ACTR2: variants seen among roughly 807,000 people sequenced by gnomAD.
ACTR2 encodes the protein actin related protein 2.
ACTR2 carries 5 observed loss-of-function variants against 50.2 expected under a neutral mutation model. That is an observed-to-expected ratio of 0.10 (90% CI 0.05 to 0.21). ACTR2 has a LOEUF of 0.21. Ranked by LOEUF, ACTR2 falls within the 10% of genes least tolerant of loss-of-function variation. ACTR2 has a pLI of 1.00. For synonymous variants in ACTR2, 140 were observed against 162.9 expected (o/e 0.86, Z 1.07); for missense variants, 180 against 480.6 (o/e 0.37, Z 5.85).
intron 1 of ACTR2, among the ~76,000 whole-genome samples, chr2:65,237,769 C>T (rs1021490668): frequency 6.6e-6 from 1 of 152,010 alleles, no homozygotes; most frequent in Non-Finnish European, 1.5e-5. Context: ...AGGTGGACCA[C>T]TTGAGGTCAG....
intron 3 of ACTR2, among the ~76,000 whole-genome samples, chr2:65,249,352 A>G (rs1573158495): frequency 6.6e-6 from 1 of 152,306 alleles, no homozygotes; most frequent in East Asian, 1.9e-4. Flanking sequence ...TAAAGAATCC[A>G]TATGATTTCT....
chr2:65,257,710 T>C (rs769450360), intron 6 of ACTR2, among the ~76,000 whole-genome samples: 9 of 152,252 alleles, frequency 5.9e-5, no homozygotes, highest in Non-Finnish European at 1.2e-4. Context: ...GAGCTTTTTT[T>C]CTTATGTTTA....
chr2:65,261,101 T>TC, intron 6 of ACTR2, 146 bp from the exon 7 acceptor site: 1 of 759,058 alleles, frequency 1.3e-6, no homozygotes, highest in South Asian at 2.0e-5. Context: ...ATTTACCTTT[T>TC]TTTCCCCAAA....
chr2:65,240,596 C>T (rs548596954), intron 2 of ACTR2, among the ~76,000 whole-genome samples: 4 of 152,172 alleles, frequency 2.6e-5, no homozygotes, highest in South Asian at 4.2e-4. Flanking sequence ...AAAAGACGAT[C>T]GATTTTTCTC....
chr2:65,237,680 A>G lies in ACTR2; in HGVS notation c.49-2172A>G, dbSNP rs534502328. ...AGCCCGTGCAACATAGTGAGACCCC[A>G]TCTCTACAAAAAATTTTAAAACTTA... is the stretch of plus-strand genomic sequence containing the variant. On this transcript the variant is annotated intron_variant, in intron 1 of 8. Transcript: ENST00000260641. Among the ~76,000 whole-genome samples the G allele has an allele frequency of 2.1e-4, 32 of 152,214 alleles. No individual in the cohort carries two copies. In the East Asian group the frequency reaches 6.0e-3, roughly 29 times the overall value.
intron 8 of ACTR2, among the ~76,000 whole-genome samples, chr2:65,265,882 A>G (rs1406054771): frequency 6.6e-6 from 1 of 152,256 alleles, no homozygotes; most frequent in Non-Finnish European, 1.5e-5. Flanking sequence ...ACTGTTTTAG[A>G]TAATGAGATT....
intron 3 of ACTR2, among the ~76,000 whole-genome samples, chr2:65,247,394 C>T (rs987726591): frequency 6.6e-6 from 1 of 152,082 alleles, no homozygotes; most frequent in Non-Finnish European, 1.5e-5. Context: ...CGAGACCATC[C>T]TGGCTAACAC....
At chr2:65,262,684 G>A (rs1672291167) in intron 7 of ACTR2, among the ~76,000 whole-genome samples, 1 of 152,118 alleles carries the variant, frequency 6.6e-6, no homozygotes, top group Non-Finnish European at 1.5e-5. Flanking sequence ...CAAACCAGGG[G>A]TGGTGGCTTC....
chr2:65,265,735 G>A (rs968900021), intron 8 of ACTR2, among the ~76,000 whole-genome samples: 3 of 152,160 alleles, frequency 2.0e-5, no homozygotes, highest in African/African-American at 7.2e-5. Flanking sequence ...AATAGTTGAT[G>A]TTTCTTTGGC....
intron 1 of ACTR2, among the ~76,000 whole-genome samples, chr2:65,236,800 T>G (rs572423333): frequency 2.5e-4 from 38 of 152,266 alleles, no homozygotes; most frequent in African/African-American, 8.4e-4. Flanking sequence ...CAGGCTGATC[T>G]CAAACTTCTG....
rs1309012017 is a variant in ACTR2, at chr2:65,268,829, C to T, written c.*95C>T. ...TTCAACTCCAGGACATGGAAGAGGCCTCTCTCTGCCCTTTGACTGGAAAGG... is the reference window on the plus strand; with the variant it reads ...TTCAACTCCAGGACATGGAAGAGGCTTCTCTCTGCCCTTTGACTGGAAAGG... On this transcript the variant is annotated 3_prime_UTR_variant, in exon 9 of 9. Transcript: ENST00000260641. 4.6e-6 allele frequency: 6 copies of T among 1,308,198 alleles called. No individual in the cohort carries two copies. Among genetic ancestry groups the T allele is most frequent in the Non-Finnish European group, 5.3e-6 (5 of 944,648 alleles). The allele number at this position is 1,308,198 out of a possible 1,614,324, so 81.0% of individuals were successfully genotyped here. A position where few individuals can be genotyped will look rare whatever the true frequency, so the allele number is the denominator to read the frequency against.
chr2:65,252,487 TACAA>T (rs990374116), intron 4 of ACTR2, among the ~76,000 whole-genome samples: 2 of 149,980 alleles, frequency 1.3e-5, no homozygotes, highest in African/African-American at 4.9e-5. Context: ...AAAAAAAAAA[TACAA>T]AAAATTAGCT....
intron 1 of ACTR2, among the ~76,000 whole-genome samples, chr2:65,237,536 C>T (rs1484066443): frequency 6.6e-6 from 1 of 152,000 alleles, no homozygotes; most frequent in Non-Finnish European, 1.5e-5. Context: ...GCCACTGGGC[C>T]CAGCGTAAAC....
In ACTR2 at chr2:65,264,911, A is replaced by C. The variant is rs138314923; in HGVS notation, c.882-132A>C. 343 of 973,216 alleles carry C rather than the reference A, an allele frequency of 3.5e-4. 3 individuals carry two copies. The East Asian group carries it at 8.1e-3, about 23-fold the overall frequency. 60.3% of individuals were successfully genotyped at this position (973,216 alleles called of 1,614,324 possible). A position where few individuals can be genotyped will look rare whatever the true frequency, so the allele number is the denominator to read the frequency against. On this transcript the variant is annotated intron_variant, in intron 7 of 8. Coordinates refer to ENST00000260641, the MANE Select transcript of ACTR2 (RefSeq NM_005722.4). ...ACAGTAGTAATAACAGCAAATATTC[A>C]GCCCTGTGATTTACATGTGGAATTT...
intron 5 of ACTR2, among the ~76,000 whole-genome samples, 173 bp from the exon 6 acceptor site, chr2:65,255,372 A>G (rs964277113): frequency 6.6e-6 from 1 of 152,202 alleles, no homozygotes; most frequent in Admixed American, 6.5e-5. Context: ...CTGAAACTGA[A>G]ATATAAATCC....
In ACTR2 at chr2:65,271,238, AT is replaced by A; in HGVS notation, c.*2510del. 1 of 152,264 alleles carries A rather than the reference AT, an allele frequency of 6.6e-6. No individual in the cohort carries two copies. Among genetic ancestry groups the A allele is most frequent in the East Asian group, 1.9e-4 (1 of 5,194 alleles). The allele number at this position is 152,264 out of a possible 1,614,324, so 9.4% of individuals were successfully genotyped here. A position where few individuals can be genotyped will look rare whatever the true frequency, so the allele number is the denominator to read the frequency against. On this transcript the variant is annotated 3_prime_UTR_variant, in exon 9 of 9. Transcript: ENST00000260641. ...ATTTTGATTGAGAAAATAAAATCAG[AT>A]TTTTTCAAAGTCAATTTGAATTTTG...
At chr2:65,242,813 T>C (rs779106305) in intron 2 of ACTR2, among the ~76,000 whole-genome samples, 1 of 152,216 alleles carries the variant, frequency 6.6e-6, no homozygotes, top group Non-Finnish European at 1.5e-5. Flanking sequence ...AAGTTTGTTT[T>C]TAATATTGTT....
intron 5 of ACTR2, among the ~76,000 whole-genome samples, chr2:65,254,475 G>A (rs1210781332): frequency 6.6e-6 from 1 of 152,032 alleles, no homozygotes; most frequent in African/African-American, 2.4e-5. Context: ...AGTACATAAG[G>A]TGTCTACTTG....
chr2:65,230,153 A>T (rs920690991), intron 1 of ACTR2, among the ~76,000 whole-genome samples: 1 of 152,246 alleles, frequency 6.6e-6, no homozygotes, highest in African/African-American at 2.4e-5. Flanking sequence ...AATTCAGTTA[A>T]ATGTGCTTTT....
Sources: gnomAD v4.1 joint callset for allele counts (sites outside exome capture counted in the v4.1 genomes callset) on GRCh38, gnomAD v4.1.1 for gene constraint, MANE v1.5 for transcripts, NCBI Gene and HGNC (gene_info 2026-07-23, HGNC 2026-07-21) for gene names.